Variants in RRBP1 observed in about 807,000 individuals in gnomAD.
RRBP1 encodes ribosome binding protein 1, also known as ribosome-binding protein 1.
Under a neutral mutation model 165.2 loss-of-function variants are expected in RRBP1, and 94 were observed. The ratio of observed to expected loss-of-function variants is 0.57; its 90% CI spans 0.48 to 0.68. The LOEUF (loss-of-function observed/expected upper bound fraction) is 0.68. Ranked by LOEUF, RRBP1 falls within the 30% of genes least tolerant of loss-of-function variation. The probability of loss-of-function intolerance (pLI) is 0.00; values close to 1 mark genes in which losing one functional copy is unlikely to be tolerated. For missense variants in RRBP1, 1,676 were observed against 1,763.0 expected, an observed-to-expected ratio of 0.95 and a Z score of 0.88; for synonymous variants, 680 against 714.5, an observed-to-expected ratio of 0.95 and a Z score of 0.77.
Position 17,624,664 on chromosome 20 carries a change from A to G in RRBP1, c.3059T>C (p.Leu1020Pro). The change falls in exon 13 of 25, where the codon CTC becomes CCC. Residue 1020 changes from leucine to proline, a missense_variant. Transcript: ENST00000377813. ...VEQQKVKNND[L>P]REKNWKAMEA... ...CATGGCCTTCCAGTTCTTCTCCCGGAGGTCCTGGAGGGGACACAGGTGAAA... is the reference window on the plus strand; with the variant it reads ...CATGGCCTTCCAGTTCTTCTCCCGGGGGTCCTGGAGGGGACACAGGTGAAA... 1 of 1,577,282 alleles carries G rather than the reference A, an allele frequency of 6.3e-7. No individual in the cohort carries two copies. The highest frequency in any genetic ancestry group is 2.3e-5 in the East Asian group (1 of 43,646).
chr20:17,635,834 C>T (rs2036237214), intron 6 of RRBP1, among the ~76,000 whole-genome samples, 170 bp from the exon 7 acceptor site: 2 of 152,224 alleles, frequency 1.3e-5, no homozygotes, highest in Admixed American at 1.3e-4. Flanking sequence ...CTGAAAATTG[C>T]GAAGCTTAAG....
chr20:17,668,332 ATTTG>A (rs2036909123), intron 2 of RRBP1, among the ~76,000 whole-genome samples: 1 of 152,082 alleles, frequency 6.6e-6, no homozygotes, highest in Non-Finnish European at 1.5e-5. Context: ...TCGTTATTCG[ATTTG>A]TTTTTTAAGT....
intron 2 of RRBP1, among the ~76,000 whole-genome samples, chr20:17,676,582 C>T (rs1350938159): frequency 1.3e-5 from 2 of 152,184 alleles, no homozygotes; most frequent in Non-Finnish European, 2.9e-5. Context: ...CCCTGAGGGA[C>T]TGCCAATACC....
rs770295115 is a variant in RRBP1, at chr20:17,621,475, T to C, written c.3397A>G (p.Ser1133Gly). 91 of 1,612,410 alleles carry C rather than the reference T, an allele frequency of 5.6e-5. No individual in the cohort carries two copies. Among genetic ancestry groups the C allele is most frequent in the Non-Finnish European group, 6.9e-5 (81 of 1,179,834 alleles). Residue 1133 changes from serine to glycine, a missense_variant, in exon 16 of 25, where the codon AGC becomes GGC. Transcript: ENST00000377813. ...ATGCTCACCGTCTCCGCCAGGATGCTGCGGTACTGGTCACACTCGGCCTGC... is the reference window on the plus strand; with the variant it reads ...ATGCTCACCGTCTCCGCCAGGATGCCGCGGTACTGGTCACACTCGGCCTGC... ...TLQAECDQYR[S>G]ILAETEGMLR...
chr20:17,616,910 A>G, intron 20 of RRBP1, 71 bp from the exon 21 acceptor site: 2 of 1,220,326 alleles, frequency 1.6e-6, no homozygotes, highest in East Asian at 2.4e-5. Context: ...TCCTGCAGGG[A>G]CCCCCTCGGA....
intron 9 of RRBP1, among the ~76,000 whole-genome samples, 175 bp from the exon 10 acceptor site, chr20:17,627,857 C>A (rs752619341): frequency 6.6e-6 from 1 of 152,132 alleles, no homozygotes; most frequent in East Asian, 1.9e-4. Context: ...CTCTTGTTAG[C>A]GGTTGAAGAA....
intron 18 of RRBP1, 44 bp from the exon 19 acceptor site, chr20:17,619,772 C>A: frequency 6.9e-7 from 1 of 1,451,898 alleles, no homozygotes; most frequent in Non-Finnish European, 9.5e-7. Context: ...CCAGCAGCCT[C>A]TGCTCAAAGG....
intron 5 of RRBP1, among the ~76,000 whole-genome samples, chr20:17,636,946 G>C (rs2036260113): frequency 6.6e-6 from 1 of 152,240 alleles, no homozygotes; most frequent in Admixed American, 6.5e-5. Flanking sequence ...GCCGGTTGTG[G>C]GCTCAATGTC....
At chr20:17,669,364 G>A (rs1046574757) in intron 2 of RRBP1, among the ~76,000 whole-genome samples, 1 of 152,154 alleles carries the variant, frequency 6.6e-6, no homozygotes, top group African/African-American at 2.4e-5. Flanking sequence ...CCTTATTGAG[G>A]AAGACAGCAT....
At chr20:17,618,525 C>G in intron 20 of RRBP1, 71 bp downstream of exon 20, 1 of 1,170,430 alleles carries the variant, frequency 8.5e-7, no homozygotes, top group Non-Finnish European at 1.3e-6. Flanking sequence ...AAACGCATGA[C>G]TGGCAAATGC....
intron 3 of RRBP1, among the ~76,000 whole-genome samples, chr20:17,657,551 CAAGAAAAGAAAAGAAAGGAAAA>C (rs1045357587): frequency 2.1e-4 from 23 of 107,218 alleles, no homozygotes; most frequent in South Asian, 6.1e-4. Flanking sequence ...TATTTAAAAA[CAAGAAAAGAAAAGAAAGGAAAA>C]AAGAAAAGAA....
At chr20:17,621,255 A>G (rs976806093) in intron 16 of RRBP1, among the ~76,000 whole-genome samples, 4 of 152,078 alleles carry the variant, frequency 2.6e-5, no homozygotes, top group Admixed American at 1.3e-4. Context: ...CGAACCTTCA[A>G]CTTGGCCTTC....
At chr20:17,619,850 C>G in intron 18 of RRBP1, 122 bp from the exon 19 acceptor site, 3 of 625,442 alleles carry the variant, frequency 4.8e-6, no homozygotes, top group Non-Finnish European at 5.4e-6. Context: ...CTGAGGCCCA[C>G]CAGCTACCAA....
At chr20:17,627,997 A>G (rs1276370528) in intron 9 of RRBP1, among the ~76,000 whole-genome samples, 2 of 151,680 alleles carry the variant, frequency 1.3e-5, no homozygotes. Context: ...CTTCTAGAAG[A>G]CTCTTTTTCT....
chr20:17,649,740 A>T lies in RRBP1; in HGVS notation c.1913-6613T>A, dbSNP rs1445924559. ...CCCCCTGACCTGTGACCCCAGCCCC[A>T]TTAGATTGCAGAACACGACTTGGGA... On this transcript the variant is annotated intron_variant, in intron 3 of 24. Transcript: ENST00000377813. Among the ~76,000 whole-genome samples, 3 of 151,912 alleles carry T rather than the reference A, an allele frequency of 2.0e-5. No individual in the cohort carries two copies. In the South Asian group the frequency reaches 6.3e-4, roughly 32 times the overall value.
rs751339045 is a variant in RRBP1 at position 17,633,622 on chromosome 20, C to T, written c.2457-9G>A. The T allele has an allele frequency of 6.2e-7, 1 of 1,613,322 alleles. No individual in the cohort carries two copies. Among genetic ancestry groups the T allele is most frequent in the Non-Finnish European group, 8.5e-7 (1 of 1,179,702 alleles). On this transcript the variant is annotated splice_polypyrimidine_tract_variant and intron_variant, in intron 7 of 24. Transcript: ENST00000377813. Reference sequence around the variant, plus strand: ...CCAGCTCTGCGTTCTGCCTGCAAGACAGTCACCAGCCCGACTAATGGAAAG... The same window carrying T: ...CCAGCTCTGCGTTCTGCCTGCAAGATAGTCACCAGCCCGACTAATGGAAAG...
intron 16 of RRBP1, 145 bp downstream of exon 16, chr20:17,621,313 C>T (rs1354574641): frequency 3.2e-6 from 2 of 627,706 alleles, no homozygotes; most frequent in East Asian, 5.5e-5. Context: ...CATCCATTTA[C>T]CATGCAGCCG....
At chr20:17,626,913 G>A (rs959053977) in intron 11 of RRBP1, among the ~76,000 whole-genome samples, 2 of 152,220 alleles carry the variant, frequency 1.3e-5, no homozygotes, top group African/African-American at 2.4e-5. Context: ...CTGCCCCGAC[G>A]CCTCAAACCT....
chr20:17,657,576 GA>G (rs2036668147), intron 3 of RRBP1, among the ~76,000 whole-genome samples: 2 of 150,032 alleles, frequency 1.3e-5, no homozygotes, highest in Non-Finnish European at 3.0e-5. Context: ...AAGGAAAAAA[GA>G]AAAGAAAAGA....
Sources: allele counts gnomAD v4.1 joint callset (sites outside exome capture counted in the v4.1 genomes callset), GRCh38; gene constraint gnomAD v4.1.1; transcripts MANE v1.5; gene names NCBI Gene and HGNC (gene_info 2026-07-23, HGNC 2026-07-21).